The following FCHSD2 variants were observed in gnomAD, a reference collection of about 807,000 sequenced individuals.
FCHSD2 encodes the protein F-BAR and double SH3 domains protein 2.
A neutral mutation model predicts 108.1 loss-of-function variants in FCHSD2; 38 were observed. The observed-to-expected ratio is 0.35, with a 90% CI of 0.27 to 0.46. The LOEUF (loss-of-function observed/expected upper bound fraction) is 0.46, where lower values mean the gene tolerates loss of function less well. Ranked by LOEUF, FCHSD2 falls within the 20% of genes least tolerant of loss-of-function variation. The probability of loss-of-function intolerance (pLI) is 1.00; values close to 1 mark genes in which losing one functional copy is unlikely to be tolerated. For missense variants in FCHSD2, 751 were observed against 897.8 expected (o/e 0.84, Z 2.09); for synonymous variants, 279 against 314.7 (o/e 0.89, Z 1.20).
chr11:72,930,641 A>G (rs557983097), intron 8 of FCHSD2, among the ~76,000 whole-genome samples: 2 of 152,146 alleles, frequency 1.3e-5, no homozygotes, highest in Non-Finnish European at 2.9e-5. Flanking sequence ...ATTATTTGGG[A>G]GCCTGAGGCA....
At chr11:73,037,341 G>C (rs376131197) in intron 3 of FCHSD2, among the ~76,000 whole-genome samples, 16 of 152,164 alleles carry the variant, frequency 1.1e-4, no homozygotes, top group African/African-American at 3.6e-4. Context: ...TACAGTCTAT[G>C]TGTCTGGACA....
chr11:72,885,149 T>C (rs1158936323), intron 12 of FCHSD2, among the ~76,000 whole-genome samples: 1 of 152,254 alleles, frequency 6.6e-6, no homozygotes, highest in Non-Finnish European at 1.5e-5. Flanking sequence ...ATGATAATCC[T>C]GTAAGTACTA....
intron 8 of FCHSD2, chr11:72,940,963 T>C: frequency 1.3e-6 from 1 of 759,360 alleles, no homozygotes; most frequent in Non-Finnish European, 2.4e-6. Context: ...CAAAGCAGTC[T>C]ATAAGCACAG....
At chr11:73,071,325 A>T (rs1859430233) in intron 3 of FCHSD2, among the ~76,000 whole-genome samples, 1 of 152,172 alleles carries the variant, frequency 6.6e-6, no homozygotes. Context: ...TTTCCCAAAA[A>T]GCATGATTTC....
intron 8 of FCHSD2, among the ~76,000 whole-genome samples, chr11:72,978,666 A>G (rs761688208): frequency 6.6e-6 from 1 of 151,978 alleles, no homozygotes; most frequent in Non-Finnish European, 1.5e-5. Flanking sequence ...AGTTCTCACG[A>G]TATCTGATGG....
At chr11:72,924,525 G>A (rs1437063770) in intron 8 of FCHSD2, among the ~76,000 whole-genome samples, 4 of 149,748 alleles carry the variant, frequency 2.7e-5, no homozygotes, top group South Asian at 2.1e-4. Flanking sequence ...CTCGTGATCC[G>A]CCCACCTTGG....
At chr11:72,949,360 G>C (rs559324258) in intron 8 of FCHSD2, among the ~76,000 whole-genome samples, 1 of 152,220 alleles carries the variant, frequency 6.6e-6, no homozygotes, top group East Asian at 1.9e-4. Flanking sequence ...TGAGACAGGA[G>C]AATCACTTGA....
At chr11:73,049,815 G>A (rs1193359243) in intron 3 of FCHSD2, among the ~76,000 whole-genome samples, 1 of 152,016 alleles carries the variant, frequency 6.6e-6, no homozygotes, top group African/African-American at 2.4e-5. Flanking sequence ...ACTTTTTAAG[G>A]AGAGGATAAA....
In FCHSD2 at chr11:73,109,986, T is replaced by C. The variant is rs114415082; in HGVS notation, c.120-26246A>G. 8.0e-3 allele frequency among the ~76,000 whole-genome samples: 1,212 copies of C among 152,310 alleles called. 21 individuals are homozygous for C. The highest frequency in any genetic ancestry group is 0.027 in the African/African-American group (1,136 of 41,570). ...TTTTCATTCTTGATACGATGTATCA[T>C]ACTGACTGATTTGCATATGTTGAAC... On this transcript the variant is annotated intron_variant, in intron 2 of 19. Coordinates refer to ENST00000409418, the MANE Select transcript of FCHSD2 (RefSeq NM_014824.3).
intron 10 of FCHSD2, among the ~76,000 whole-genome samples, chr11:72,892,767 A>G (rs1012983634): frequency 2.6e-5 from 4 of 151,508 alleles, no homozygotes; most frequent in Non-Finnish European, 5.9e-5. Context: ...ACCATGCCCA[A>G]CTAATTTTTT....
chr11:72,982,841 AT>A (rs1565353192), intron 8 of FCHSD2, among the ~76,000 whole-genome samples: 1 of 152,192 alleles, frequency 6.6e-6, no homozygotes, highest in African/African-American at 2.4e-5. Flanking sequence ...ACGTAATGAA[AT>A]TTTTTAAAAA....
chr11:72,922,412 T>C (rs1009817682), intron 8 of FCHSD2, among the ~76,000 whole-genome samples: 2 of 151,740 alleles, frequency 1.3e-5, no homozygotes, highest in African/African-American at 2.4e-5. Context: ...AAAAACACAA[T>C]AGAAATATTA....
At chr11:73,081,339 T>G (rs1373741084) in intron 3 of FCHSD2, among the ~76,000 whole-genome samples, 1 of 151,816 alleles carries the variant, frequency 6.6e-6, no homozygotes, top group East Asian at 2.0e-4. Flanking sequence ...GAGGATGAGG[T>G]AGGAGAATTG....
chr11:73,003,526 G>A (rs775089182), intron 4 of FCHSD2, among the ~76,000 whole-genome samples: 4 of 144,848 alleles, frequency 2.8e-5, no homozygotes, highest in Admixed American at 7.0e-5. Context: ...TTGCTCTGTC[G>A]CCCAGGCTGG....
rs1452669976 is a variant in FCHSD2 at position 72,837,793 on chromosome 11, C to T, written c.*998G>A. The T allele has an allele frequency of 6.6e-6, 1 of 152,226 alleles. No homozygotes were observed. The highest frequency in any genetic ancestry group is 1.5e-5 in the Non-Finnish European group (1 of 68,052). The allele number at this position is 152,226 out of a possible 1,614,324, so 9.4% of individuals were successfully genotyped here. ...AGTGGGACCTGGAAGCTGCATTTTC[C>T]ACCATAGCAGTTGGTCTGGACCAGC... On this transcript the variant is annotated 3_prime_UTR_variant, in exon 20 of 20. Transcript: ENST00000409418.
intron 8 of FCHSD2, among the ~76,000 whole-genome samples, chr11:72,929,554 G>A (rs1307253298): frequency 6.6e-6 from 1 of 152,174 alleles, no homozygotes; most frequent in East Asian, 1.9e-4. Context: ...ATAACCCTAT[G>A]ATTTGCTCCA....
At chr11:72,984,338 G>A in intron 7 of FCHSD2, 122 bp from the exon 8 acceptor site, 1 of 795,026 alleles carries the variant, frequency 1.3e-6, no homozygotes, top group South Asian at 1.7e-5. Flanking sequence ...ACCACGTGCG[G>A]AAAACATTTA....
At chr11:72,987,663 C>T (rs1857335731) in intron 6 of FCHSD2, among the ~76,000 whole-genome samples, 1 of 152,100 alleles carries the variant, frequency 6.6e-6, no homozygotes, top group Non-Finnish European at 1.5e-5. Flanking sequence ...TGAATCAGAC[C>T]CTATCAAATC....
At chr11:73,108,529 T>C (rs945524948) in intron 2 of FCHSD2, among the ~76,000 whole-genome samples, 2 of 150,798 alleles carry the variant, frequency 1.3e-5, no homozygotes, top group African/African-American at 2.4e-5. Context: ...AGCAGTTTCA[T>C]AGATTGAGAT....
Sources: allele counts gnomAD v4.1 joint callset (sites outside exome capture counted in the v4.1 genomes callset), GRCh38; gene constraint gnomAD v4.1.1; transcripts MANE v1.5; gene names NCBI Gene and HGNC (gene_info 2026-07-23, HGNC 2026-07-21).